TATDN1: variants seen among roughly 807,000 people sequenced by gnomAD.
The protein encoded by TATDN1 is deoxyribonuclease TATDN1.
A neutral mutation model predicts 46.4 loss-of-function variants in TATDN1; 40 were observed. The ratio of observed to expected loss-of-function variants is 0.86; its 90% CI spans 0.67 to 1.12. The LOEUF (loss-of-function observed/expected upper bound fraction) is 1.12. Among genes scored for constraint, TATDN1 ranks in the 50% most tolerant of loss-of-function variants. TATDN1 has a pLI of 0.00. For synonymous variants in TATDN1, 95 were observed against 105.6 expected (o/e 0.90, Z 0.62); for missense variants, 326 against 348.4 (o/e 0.94, Z 0.51).
At chr8:124,537,835 A>G (rs1256149056) in intron 1 of TATDN1, among the ~76,000 whole-genome samples, 1 of 151,890 alleles carries the variant, frequency 6.6e-6, no homozygotes, top group Non-Finnish European at 1.5e-5. Context: ...GGCACTTAAC[A>G]TATTCTCCCC....
chr8:124,513,001 T>G (rs1819162645), intron 6 of TATDN1, among the ~76,000 whole-genome samples: 1 of 151,688 alleles, frequency 6.6e-6, no homozygotes, highest in African/African-American at 2.4e-5. Context: ...TGCAACCTCC[T>G]CCTCCCCAGT....
intron 9 of TATDN1, among the ~76,000 whole-genome samples, chr8:124,498,127 T>C (rs1224922853): frequency 1.3e-5 from 2 of 152,190 alleles, no homozygotes; most frequent in Non-Finnish European, 2.9e-5. Context: ...ACCTCATTCG[T>C]CTGGTGGTCC....
intron 6 of TATDN1, among the ~76,000 whole-genome samples, chr8:124,514,472 G>A (rs1819288955): frequency 6.6e-6 from 1 of 152,158 alleles, no homozygotes; most frequent in South Asian, 2.1e-4. Flanking sequence ...AAGGAGGACA[G>A]AGGATTGTTT....
intron 1 of TATDN1, among the ~76,000 whole-genome samples, chr8:124,525,304 C>T (rs558214311): frequency 1.3e-5 from 2 of 152,236 alleles, no homozygotes; most frequent in Admixed American, 1.3e-4. Context: ...CACCACCACA[C>T]CCAGCTAATT....
At chr8:124,500,041 C>T (rs1817823072) in intron 9 of TATDN1, among the ~76,000 whole-genome samples, 1 of 151,904 alleles carries the variant, frequency 6.6e-6, no homozygotes, top group Middle Eastern at 3.2e-3. Flanking sequence ...GATGGGGTTT[C>T]ACCATATTGG....
intron 1 of TATDN1, among the ~76,000 whole-genome samples, chr8:124,537,279 T>C (rs960658102): frequency 2.0e-5 from 3 of 152,200 alleles, no homozygotes; most frequent in African/African-American, 7.2e-5. Flanking sequence ...TATTTAATTA[T>C]AAATAATGTG....
chr8:124,526,147 C>G (rs1275855259), intron 1 of TATDN1, among the ~76,000 whole-genome samples: 1 of 152,116 alleles, frequency 6.6e-6, no homozygotes, highest in East Asian at 1.9e-4. Flanking sequence ...AATGAGAATC[C>G]CTGATTAACC....
chr8:124,492,498 G>A (rs1198506297), intron 11 of TATDN1, among the ~76,000 whole-genome samples: 1 of 152,050 alleles, frequency 6.6e-6, no homozygotes, highest in Non-Finnish European at 1.5e-5. Context: ...TTGGCTGGGT[G>A]TGGTAGCTCA....
At position 124,493,850 on chromosome 8, in the gene TATDN1, A is replaced by C; in HGVS notation, c.774T>G (p.Asn258Lys). Residue 258 changes from asparagine to lysine, a missense_variant, in exon 11 of 12, where the codon AAT becomes AAG. Transcript: ENST00000276692. ...ATACTCACATTATATGGCAGGGTTCATTTCTGTCTTTTAAGCAGTGCCCAC... is the reference window on the plus strand; with the variant it reads ...ATACTCACATTATATGGCAGGGTTCCTTTCTGTCTTTTAAGCAGTGCCCAC... ...WESGHCLKDR[N>K]EPCHIIQILE... 6.2e-7 allele frequency: 1 copy of C among 1,608,896 alleles called. No individual in the cohort carries two copies. Among genetic ancestry groups the C allele is most frequent in the Non-Finnish European group, 8.5e-7 (1 of 1,179,134 alleles).
chr8:124,538,874 C>T, intron 1 of TATDN1, 151 bp downstream of exon 1: 1 of 786,442 alleles, frequency 1.3e-6, no homozygotes, highest in Non-Finnish European at 2.2e-6. Flanking sequence ...GCATTACCAG[C>T]ACCCAGAAAC....
chr8:124,524,212 G>C (rs895049479), intron 1 of TATDN1, among the ~76,000 whole-genome samples: 1 of 152,196 alleles, frequency 6.6e-6, no homozygotes, highest in Admixed American at 6.5e-5. Flanking sequence ...TTAAGAGACA[G>C]TGAAGAGAGT....
intron 1 of TATDN1, among the ~76,000 whole-genome samples, chr8:124,525,494 C>T (rs1212613640): frequency 6.6e-6 from 1 of 152,188 alleles, no homozygotes; most frequent in Non-Finnish European, 1.5e-5. Context: ...CAGATAGTCA[C>T]AGCTCACCCG....
At chr8:124,524,637 C>T (rs1820327968) in intron 1 of TATDN1, among the ~76,000 whole-genome samples, 1 of 152,168 alleles carries the variant, frequency 6.6e-6, no homozygotes, top group African/African-American at 2.4e-5. Context: ...TTATTCATAA[C>T]ACTTGTCAAA....
rs1268608895 is a variant in TATDN1 at position 124,537,468 on chromosome 8, G to A, written c.22+1557C>T. ...AAGTGGGCAGGACTGGACCACAGAA[G>A]GGCTTTGTATGGTGTGTAAGCATTT... is the stretch of plus-strand genomic sequence containing the variant. On this transcript the variant is annotated intron_variant, in intron 1 of 11. Coordinates refer to ENST00000276692, the MANE Select transcript of TATDN1 (RefSeq NM_032026.4). Among the ~76,000 whole-genome samples, 4 of 152,134 alleles carry A rather than the reference G, an allele frequency of 2.6e-5. No homozygotes were observed. The East Asian group carries it at 7.7e-4, about 29-fold the overall frequency.
intron 10 of TATDN1, chr8:124,494,401 C>T (rs1817281364): frequency 6.5e-6 from 1 of 152,702 alleles, no homozygotes; most frequent in South Asian, 2.1e-4. Flanking sequence ...ATTTTGCAAA[C>T]ATCGTACTTT....
intron 6 of TATDN1, among the ~76,000 whole-genome samples, chr8:124,514,621 A>G (rs895486664): frequency 2.0e-5 from 3 of 152,210 alleles, no homozygotes; most frequent in Non-Finnish European, 2.9e-5. Flanking sequence ...TTAGAAGCTC[A>G]GTCTAATGTT....
intron 4 of TATDN1, 164 bp downstream of exon 4, chr8:124,518,654 A>G: frequency 1.7e-6 from 1 of 603,038 alleles, no homozygotes; most frequent in Non-Finnish European, 3.0e-6. Context: ...TATACCAATG[A>G]GTACTTTGAA....
At chr8:124,532,250 G>C (rs1480847607) in intron 1 of TATDN1, among the ~76,000 whole-genome samples, 1 of 152,154 alleles carries the variant, frequency 6.6e-6, no homozygotes, top group Non-Finnish European at 1.5e-5. Flanking sequence ...GGCTCAATGA[G>C]CCTGAATGGC....
chr8:124,489,663 C>G (rs906036069), intron 11 of TATDN1: 4 of 152,268 alleles, frequency 2.6e-5, no homozygotes, highest in African/African-American at 4.8e-5. Flanking sequence ...TCCACCCCAC[C>G]TGGGCCTCCC....
Sources: allele counts gnomAD v4.1 joint callset (sites outside exome capture counted in the v4.1 genomes callset), GRCh38; gene constraint gnomAD v4.1.1; transcripts MANE v1.5; gene names NCBI Gene and HGNC (gene_info 2026-07-23, HGNC 2026-07-21).